AP2S1: variants seen among roughly 807,000 people sequenced by gnomAD.
AP2S1 encodes adaptor related protein complex 2 subunit sigma 1.
Under a neutral mutation model 21.0 loss-of-function variants are expected in AP2S1, and 6 were observed. That is an observed-to-expected ratio of 0.29 (90% CI 0.16 to 0.56). AP2S1 has a LOEUF of 0.56. AP2S1 is among the 20% of genes least tolerant of loss of function. The pLI is 0.92. For synonymous variants in AP2S1, 63 were observed against 74.6 expected, an observed-to-expected ratio of 0.84 and a Z score of 0.80; for missense variants, 60 against 186.2, an observed-to-expected ratio of 0.32 and a Z score of 3.95.
Position 46,839,448 on chromosome 19 carries a change from T to TCCCCCCCCCCCCCCCC in AP2S1, c.267+16_267+17insGGGGGGGGGGGGGGGG. The TCCCCCCCCCCCCCCCC allele has an allele frequency of 1.4e-6, 1 of 723,162 alleles. No individual in the cohort carries two copies. Among genetic ancestry groups the TCCCCCCCCCCCCCCCC allele is most frequent in the Non-Finnish European group, 2.4e-6 (1 of 423,320 alleles). The allele number at this position is 723,162 out of a possible 1,614,324, so 44.8% of individuals were successfully genotyped here. On this transcript the variant is annotated intron_variant, in intron 3 of 4. Transcript: ENST00000263270. ...TGCCCACCCGCCTCCCCACCTTACA[T>TCCCCCCCCCCCCCCCC]CCCTCTCCCGCCGTACCTCCACGAA...
chr19:46,842,701 A>T (rs547300150), intron 2 of AP2S1, among the ~76,000 whole-genome samples: 2 of 152,086 alleles, frequency 1.3e-5, no homozygotes, highest in East Asian at 3.9e-4. Context: ...CACAGCCAGA[A>T]CACCCGACAC....
chr19:46,843,889 A>G (rs569912590), intron 2 of AP2S1, among the ~76,000 whole-genome samples: 2 of 151,962 alleles, frequency 1.3e-5, no homozygotes, highest in Non-Finnish European at 2.9e-5. Flanking sequence ...CCGTGTCTCT[A>G]AAAAACACCA....
At chr19:46,850,142 C>T in intron 1 of AP2S1, 1 of 1,232,184 alleles carries the variant, frequency 8.1e-7, no homozygotes, top group Non-Finnish European at 1.0e-6. Context: ...ACCTCCAGGT[C>T]CTCTCTCCTT....
chr19:46,838,218 C>T lies in AP2S1; in HGVS notation c.*229G>A. The T allele has an allele frequency of 1.7e-6, 1 of 575,244 alleles. No homozygotes were observed. Among genetic ancestry groups the T allele is most frequent in the South Asian group, 2.0e-5 (1 of 49,350 alleles). 35.6% of individuals were successfully genotyped at this position (575,244 alleles called of 1,614,324 possible). On this transcript the variant is annotated 3_prime_UTR_variant, in exon 5 of 5. Coordinates refer to ENST00000263270, the MANE Select transcript of AP2S1 (RefSeq NM_004069.6). The surrounding 1 kb of genome is among the most constrained non-coding windows in gnomAD (Gnocchi z 4.1). The stretch of plus-strand genomic sequence containing the variant: ...GGACTCCACGCACAGACGCTTATGG[C>T]ATCACACGACAACGGCACGGTTACT...
intron 2 of AP2S1, among the ~76,000 whole-genome samples, chr19:46,845,237 T>A (rs2055608334): frequency 6.6e-6 from 1 of 151,102 alleles, no homozygotes; most frequent in South Asian, 2.1e-4. Flanking sequence ...TGAAACCTCG[T>A]CTCTACCAAA....
Position 46,839,546 on chromosome 19 carries a change from A to AG in AP2S1, c.185_186insC (p.Ala63CysfsTer13), listed in dbSNP as rs1253470088. On this transcript the variant is annotated frameshift_variant, in exon 3 of 5. Transcript: ENST00000263270. LOFTEE classifies it high-confidence loss of function. The stretch of plus-strand genomic sequence containing the variant: ...CACAGATGCAGAAGTAGAGGCCAGC[A>AG]TAGCGGCGGTAAATGATCTTAAAGT... The AG allele has an allele frequency of 6.2e-7, 1 of 1,613,742 alleles. No homozygotes were observed. Among genetic ancestry groups the AG allele is most frequent in the Non-Finnish European group, 8.5e-7 (1 of 1,179,852 alleles).
At chr19:46,849,643 G>A (rs1310286096) in intron 1 of AP2S1, among the ~76,000 whole-genome samples, 3 of 151,920 alleles carry the variant, frequency 2.0e-5, no homozygotes, top group Non-Finnish European at 4.4e-5. Flanking sequence ...AGTCCCCTCC[G>A]TCCTGAATCT....
Position 46,843,220 on chromosome 19 carries a change from C to T in AP2S1, c.153+2773G>A, listed in dbSNP as rs137881177. 9.4e-4 allele frequency among the ~76,000 whole-genome samples: 143 copies of T among 152,302 alleles called. 1 individual carries two copies. The South Asian group carries it at 0.023, about 25-fold the overall frequency. ...CATTCAGCTGGGTCCACCTCCAAAA[C>T]GCTCCTGGCCACACCGACGGCTTCC... On this transcript the variant is annotated intron_variant, in intron 2 of 4. Transcript: ENST00000263270.
intron 1 of AP2S1, among the ~76,000 whole-genome samples, chr19:46,849,010 CTTTTTT>C (rs59512372): frequency 0.013 from 758 of 56,208 alleles, 6 homozygotes; most frequent in Middle Eastern, 0.054. Context: ...TGTGCCCAGC[CTTTTTT>C]TTTTTTTTTT....
chr19:46,846,197 G>A (rs974474522), intron 1 of AP2S1, 55 bp from the exon 2 acceptor site: 1 of 1,602,746 alleles, frequency 6.2e-7, no homozygotes, highest in South Asian at 1.1e-5. Context: ...GGGCGGGTTG[G>A]GTGCTGCCCA....
intron 2 of AP2S1, among the ~76,000 whole-genome samples, chr19:46,841,669 C>T (rs2122769615): frequency 6.6e-6 from 1 of 152,344 alleles, no homozygotes; most frequent in South Asian, 2.1e-4. Flanking sequence ...CCATGTTGCC[C>T]TGCAAAGGGC....
intron 2 of AP2S1, 95 bp downstream of exon 2, chr19:46,845,898 G>A (rs1294848335): frequency 2.6e-6 from 4 of 1,529,454 alleles, no homozygotes; most frequent in Non-Finnish European, 3.6e-6. Context: ...TGGATAGAGG[G>A]TCCAAGGGGT....
intron 2 of AP2S1, among the ~76,000 whole-genome samples, chr19:46,843,115 T>C (rs1241533465): frequency 1.3e-5 from 2 of 152,130 alleles, no homozygotes; most frequent in Non-Finnish European, 2.9e-5. Flanking sequence ...GACAGCTCCA[T>C]CCTACCCGGG....
In AP2S1 at chr19:46,846,195, T is replaced by G. The variant is rs1391749426; in HGVS notation, c.4-53A>C. The G allele has an allele frequency of 9.3e-6, 15 of 1,604,610 alleles. No individual in the cohort carries two copies. In the East Asian group the frequency reaches 1.8e-4, roughly 19 times the overall value. The stretch of plus-strand genomic sequence containing the variant: ...AGTGAGAGAGGCAGAGAGGGCGGGT[T>G]GGGTGCTGCCCAACGGCCCCACCCA... On this transcript the variant is annotated intron_variant, in intron 1 of 4. Transcript: ENST00000263270.
chr19:46,849,437 C>T (rs1348007528), intron 1 of AP2S1, among the ~76,000 whole-genome samples: 1 of 152,104 alleles, frequency 6.6e-6, no homozygotes, highest in Non-Finnish European at 1.5e-5. Context: ...CACTTCCTAG[C>T]AGGGCAGGGG....
At chr19:46,849,369 G>T (rs2055694147) in intron 1 of AP2S1, among the ~76,000 whole-genome samples, 1 of 148,072 alleles carries the variant, frequency 6.8e-6, no homozygotes, top group Non-Finnish European at 1.5e-5. Context: ...CAACCAAACT[G>T]GACCGGAACA....
In AP2S1 at chr19:46,839,589, G is replaced by A. The variant is rs767687490; in HGVS notation, c.154-11C>T. On this transcript the variant is annotated splice_polypyrimidine_tract_variant and intron_variant, in intron 2 of 4. Coordinates refer to ENST00000263270, the MANE Select transcript of AP2S1 (RefSeq NM_004069.6). Reference sequence around the variant, plus strand: ...CTTAAAGTTCCGGAACTGCAGAACAGAGAGGCTGTCAGCAACGGAGATTGC... The same window carrying A: ...CTTAAAGTTCCGGAACTGCAGAACAAAGAGGCTGTCAGCAACGGAGATTGC... 1 of 1,614,198 alleles carries A rather than the reference G, an allele frequency of 6.2e-7. No homozygotes were observed. Among genetic ancestry groups the A allele is most frequent in the Non-Finnish European group, 8.5e-7 (1 of 1,180,038 alleles).
At chr19:46,839,794 G>A in intron 2 of AP2S1, 1 of 753,264 alleles carries the variant, frequency 1.3e-6, no homozygotes, top group Non-Finnish European at 2.1e-6. Flanking sequence ...AGGATGGGCT[G>A]TGAGAGCCCA....
At chr19:46,844,014 G>GA (rs1016386640) in intron 2 of AP2S1, among the ~76,000 whole-genome samples, 3 of 151,980 alleles carry the variant, frequency 2.0e-5, no homozygotes, top group Non-Finnish European at 4.4e-5. Context: ...GGATTCAAGC[G>GA]ATTCTCCTGC....
Sources: allele counts gnomAD v4.1 joint callset (sites outside exome capture counted in the v4.1 genomes callset), GRCh38; gene constraint gnomAD v4.1.1; non-coding constraint Gnocchi (gnomAD v3.1); transcripts MANE v1.5; gene names NCBI Gene and HGNC (gene_info 2026-07-23, HGNC 2026-07-21).